The following PARD3B variants were observed in gnomAD, a reference collection of about 807,000 sequenced individuals.
The protein encoded by PARD3B is partitioning defective 3 homolog B.
PARD3B carries 103 observed loss-of-function variants against 130.2 expected under a neutral mutation model. That is an observed-to-expected ratio of 0.79 (90% CI 0.67 to 0.93). PARD3B has a LOEUF of 0.93. PARD3B is among the 40% of genes least tolerant of loss of function. The pLI is 0.00. For missense variants in PARD3B, 1,609 were observed against 1,499.2 expected (o/e 1.07, Z -1.21); for synonymous variants, 583 against 553.2 (o/e 1.05, Z -0.76).
intron 3 of PARD3B, among the ~76,000 whole-genome samples, chr2:205,016,088 A>G (rs1435098054): frequency 6.6e-6 from 1 of 152,242 alleles, no homozygotes; most frequent in Non-Finnish European, 1.5e-5. Context: ...GTCTAGCACT[A>G]TGACAATAAT....
At chr2:205,240,686 G>A (rs1406498632) in intron 15 of PARD3B, among the ~76,000 whole-genome samples, 3 of 152,128 alleles carry the variant, frequency 2.0e-5, no homozygotes, top group Non-Finnish European at 4.4e-5. Flanking sequence ...AGCATCTGGG[G>A]CCCATTAACT....
intron 4 of PARD3B, among the ~76,000 whole-genome samples, chr2:205,071,568 C>G (rs1233832401): frequency 6.6e-6 from 1 of 152,110 alleles, no homozygotes; most frequent in African/African-American, 2.4e-5. Flanking sequence ...GTGCTATTAA[C>G]TTTAATGTAA....
chr2:204,968,670 C>T (rs1691454934), intron 3 of PARD3B, among the ~76,000 whole-genome samples: 1 of 152,208 alleles, frequency 6.6e-6, no homozygotes, highest in Admixed American at 6.5e-5. Flanking sequence ...CTCATATGCA[C>T]CTTTTAAGTT....
At chr2:204,672,396 A>G (rs944145800) in intron 1 of PARD3B, among the ~76,000 whole-genome samples, 7 of 152,228 alleles carry the variant, frequency 4.6e-5, no homozygotes, top group African/African-American at 1.4e-4. Context: ...GGCACTGGAC[A>G]TGAAGGGCAG....
intron 16 of PARD3B, among the ~76,000 whole-genome samples, chr2:205,290,177 C>A (rs1003002684): frequency 2.0e-5 from 3 of 152,138 alleles, no homozygotes; most frequent in Non-Finnish European, 2.9e-5. Flanking sequence ...TATGTACGAA[C>A]AATTTATTTT....
chr2:204,959,131 C>T lies in PARD3B; in HGVS notation c.223-6021C>T, dbSNP rs150848194. On this transcript the variant is annotated intron_variant, in intron 2 of 22. Transcript: ENST00000406610. ...TCGTGATGCTCTCCCTCCCCTTTCC[C>T]GCCACTCCCCCGACAGGCCCTGGTG... 1.9e-3 allele frequency among the ~76,000 whole-genome samples: 293 copies of T among 152,158 alleles called. 2 individuals are homozygous for T. Among genetic ancestry groups the T allele is most frequent in the African/African-American group, 6.1e-3 (255 of 41,498 alleles).
In PARD3B at chr2:204,584,198, A is replaced by G. The variant is rs543728461; in HGVS notation, c.120+38079A>G. ...AAAGGAGAGGTAGCAGGAGACTCCA[A>G]TGTGATGGGGATGGAGATGGGGCAA... is the stretch of plus-strand genomic sequence containing the variant. On this transcript the variant is annotated intron_variant, in intron 1 of 22. Coordinates refer to ENST00000406610, the MANE Select transcript of PARD3B (RefSeq NM_001302769.2). 7.9e-5 allele frequency among the ~76,000 whole-genome samples: 12 copies of G among 152,298 alleles called. 1 individual carries two copies. The highest frequency in any genetic ancestry group is 4.1e-4 in the South Asian group (2 of 4,828).
intron 2 of PARD3B, among the ~76,000 whole-genome samples, chr2:204,847,077 C>T (rs953855741): frequency 1.3e-5 from 2 of 151,938 alleles, no homozygotes; most frequent in African/African-American, 4.8e-5. Flanking sequence ...TAGACTATCG[C>T]CACGTATTTC....
Position 205,387,856 on chromosome 2 carries a change from C to A in PARD3B, c.2631-13157C>A, listed in dbSNP as rs143589889. On this transcript the variant is annotated intron_variant, in intron 18 of 22. Coordinates refer to ENST00000406610, the MANE Select transcript of PARD3B (RefSeq NM_001302769.2). ...TCATCTGAGTGACGCTGCTGGTGTTCCCTGCACCTTCCAGAGCCGTTCAGA... is the reference window on the plus strand; with the variant it reads ...TCATCTGAGTGACGCTGCTGGTGTTACCTGCACCTTCCAGAGCCGTTCAGA... Among the ~76,000 whole-genome samples, 19 of 152,244 alleles carry A rather than the reference C, an allele frequency of 1.2e-4. No homozygotes were observed. In the East Asian group the frequency reaches 3.7e-3, roughly 29 times the overall value.
In PARD3B at chr2:204,907,178, C is replaced by T. The variant is rs1460041825; in HGVS notation, c.223-57974C>T. On this transcript the variant is annotated intron_variant, in intron 2 of 22. Coordinates refer to ENST00000406610, the MANE Select transcript of PARD3B (RefSeq NM_001302769.2). The surrounding 1 kb of genome is among the most constrained non-coding windows in gnomAD (Gnocchi z 5.7). Reference sequence around the variant, plus strand: ...CATATTTTTAGTAAAGACGGGGTTTCACCGTGTTATCCAGGATGGTCTTGA... The same window carrying T: ...CATATTTTTAGTAAAGACGGGGTTTTACCGTGTTATCCAGGATGGTCTTGA... Among the ~76,000 whole-genome samples, 2 of 152,070 alleles carry T rather than the reference C, an allele frequency of 1.3e-5. No homozygotes were observed. Among genetic ancestry groups the T allele is most frequent in the Non-Finnish European group, 2.9e-5 (2 of 68,034 alleles).
intron 18 of PARD3B, among the ~76,000 whole-genome samples, chr2:205,344,707 C>T (rs551127377): frequency 6.6e-6 from 1 of 152,274 alleles, no homozygotes; most frequent in South Asian, 2.1e-4. Context: ...GTACTGTCAG[C>T]CTTATGGTCT....
chr2:205,070,548 A>G (rs1700659955), intron 4 of PARD3B, among the ~76,000 whole-genome samples: 1 of 152,168 alleles, frequency 6.6e-6, no homozygotes, highest in South Asian at 2.1e-4. Context: ...CTGTTAGCTG[A>G]AAGTCGTACT....
At position 205,230,199 on chromosome 2, in the gene PARD3B, A is replaced by G. The variant is rs1019463779; in HGVS notation, c.2141-15579A>G. Among the ~76,000 whole-genome samples the G allele has an allele frequency of 2.6e-5, 4 of 151,916 alleles. No individual in the cohort carries two copies. The highest frequency in any genetic ancestry group is 9.7e-5 in the African/African-American group (4 of 41,362). On this transcript the variant is annotated intron_variant, in intron 15 of 22. Transcript: ENST00000406610. The surrounding 1 kb of genome is among the most constrained non-coding windows in gnomAD (Gnocchi z 4.1). ...AGTCCCTCTCCTTTTCTCAAGCAGG[A>G]GACCCTCTCCGTAGCCACCATAGTT...
chr2:204,953,420 CAGAGAGAGAGAGAGAGAGAGAG>C (rs138644226), intron 2 of PARD3B, among the ~76,000 whole-genome samples: 62 of 123,318 alleles, frequency 5.0e-4, no homozygotes, highest in African/African-American at 1.7e-3. Context: ...TACACACACA[CAGAGAGAGAGAGAGAGAGAGAG>C]AGAGAGAGAG....
In PARD3B at chr2:205,158,850, TG is replaced by T; in HGVS notation, c.1565del (p.Gly522GlufsTer25). On this transcript the variant is annotated frameshift_variant, in exon 11 of 23. Coordinates refer to ENST00000406610, the MANE Select transcript of PARD3B (RefSeq NM_001302769.2). LOFTEE classifies it high-confidence loss of function. The surrounding 1 kb of genome is among the most constrained non-coding windows in gnomAD (Gnocchi z 5.4). ...TAAAAGGGAACAAATCCAGAGAAAC[TG>T]GAACAGACTTGGGGATTTTTATCAA... Reference protein sequence around the residue: ...SLKGNKSRETGTDLGIFIKSI... With the variant: ...SLKGNKSRETXTDLGIFIKSI... The T allele has an allele frequency of 6.2e-7, 1 of 1,614,130 alleles. No individual in the cohort carries two copies. Among genetic ancestry groups the T allele is most frequent in the Non-Finnish European group, 8.5e-7 (1 of 1,180,022 alleles).
intron 3 of PARD3B, among the ~76,000 whole-genome samples, chr2:205,014,664 C>G (rs1435653382): frequency 1.3e-5 from 2 of 152,230 alleles, no homozygotes; most frequent in Non-Finnish European, 2.9e-5. Context: ...GTGTTGAGCA[C>G]TGTGCTAGAG....
At chr2:205,476,228 A>G (rs1203320130) in intron 20 of PARD3B, among the ~76,000 whole-genome samples, 1 of 152,206 alleles carries the variant, frequency 6.6e-6, no homozygotes, top group Admixed American at 6.5e-5. Context: ...GTCGGAATGC[A>G]TGTAGGGTGA....
At position 204,689,044 on chromosome 2, in the gene PARD3B, A is replaced by AG. The variant is rs2037233145; in HGVS notation, c.222+2766dup. Among the ~76,000 whole-genome samples, 1 of 152,196 alleles carries AG rather than the reference A, an allele frequency of 6.6e-6. No individual in the cohort carries two copies. The highest frequency in any genetic ancestry group is 2.4e-5 in the African/African-American group (1 of 41,450). ...CAGGAAAAACAGAAACTTAGAAAGC[A>AG]GGGGAGGCTGGGCCATTTAGTGTAT... On this transcript the variant is annotated intron_variant, in intron 2 of 22. Transcript: ENST00000406610. The surrounding 1 kb of genome is among the most constrained non-coding windows in gnomAD (Gnocchi z 5.2).
intron 2 of PARD3B, among the ~76,000 whole-genome samples, chr2:204,720,780 G>C (rs1030835834): frequency 6.6e-6 from 1 of 152,126 alleles, no homozygotes; most frequent in Non-Finnish European, 1.5e-5. Flanking sequence ...CCAAATAATA[G>C]TGGCTTCAAC....
Sources: gnomAD v4.1 joint callset for allele counts (sites outside exome capture counted in the v4.1 genomes callset) on GRCh38, gnomAD v4.1.1 for gene constraint, Gnocchi (gnomAD v3.1) non-coding constraint, MANE v1.5 for transcripts, NCBI Gene and HGNC (gene_info 2026-07-23, HGNC 2026-07-21) for gene names.